COL27A1: variants seen among roughly 807,000 people sequenced by gnomAD.
COL27A1 encodes the protein collagen alpha-1(XXVII) chain.
COL27A1 carries 106 observed loss-of-function variants against 251.3 expected under a neutral mutation model. The observed-to-expected ratio is 0.42, with a 90% CI of 0.36 to 0.50. COL27A1 has a LOEUF of 0.50. Among genes scored for constraint, COL27A1 ranks in the 20% least tolerant of loss-of-function variants. The pLI, the probability that COL27A1 is intolerant of heterozygous loss-of-function variation, is 0.00. For missense variants in COL27A1, 2,325 were observed against 2,522.8 expected (o/e 0.92, Z 1.68); for synonymous variants, 1,000 against 986.3 (o/e 1.01, Z -0.26).
intron 1 of COL27A1, among the ~76,000 whole-genome samples, chr9:114,160,300 G>T (rs563190778): frequency 2.0e-5 from 3 of 151,882 alleles, no homozygotes; most frequent in Admixed American, 6.6e-5. Flanking sequence ...GACTACAGGC[G>T]CCCGCCACCA....
At chr9:114,196,144 G>C in intron 7 of COL27A1, 132 bp downstream of exon 7, 1 of 770,508 alleles carries the variant, frequency 1.3e-6, no homozygotes, top group Non-Finnish European at 2.3e-6. Flanking sequence ...AGGGTACATG[G>C]GTGAGAGGTG....
intron 23 of COL27A1, among the ~76,000 whole-genome samples, chr9:114,245,279 C>T (rs1237928272): frequency 6.6e-6 from 1 of 151,864 alleles, no homozygotes; most frequent in Non-Finnish European, 1.5e-5. Context: ...CCTCAGCCTC[C>T]CCAGTAGCTG....
chr9:114,246,280 A>G (rs1833126305), intron 24 of COL27A1, among the ~76,000 whole-genome samples: 1 of 152,236 alleles, frequency 6.6e-6, no homozygotes, highest in Non-Finnish European at 1.5e-5. Flanking sequence ...GCCAAAGGCC[A>G]GAGAAGTGTT....
intron 5 of COL27A1, among the ~76,000 whole-genome samples, chr9:114,186,938 G>T (rs1415461792): frequency 6.6e-6 from 1 of 152,196 alleles, no homozygotes; most frequent in African/African-American, 2.4e-5. Context: ...GGATAGGGAA[G>T]CTAGTGCTCC....
chr9:114,207,437 T>C (rs1331280235), intron 10 of COL27A1, among the ~76,000 whole-genome samples: 2 of 152,180 alleles, frequency 1.3e-5, no homozygotes, highest in Admixed American at 6.5e-5. Context: ...AGGGACCCCC[T>C]AAACCCAAGG....
chr9:114,231,877 T>C lies in COL27A1; in HGVS notation c.2565+11T>C. 1 of 1,613,312 alleles carries C rather than the reference T, an allele frequency of 6.2e-7. No homozygotes were observed. Among genetic ancestry groups the C allele is most frequent in the Non-Finnish European group, 8.5e-7 (1 of 1,179,242 alleles). On this transcript the variant is annotated intron_variant, in intron 16 of 60. Coordinates refer to ENST00000356083, the MANE Select transcript of COL27A1 (RefSeq NM_032888.4). Reference sequence around the variant, plus strand: ...CTGAAAGGTGATAAGGTGATCTGAATACTCCCTTATTGCACTGTGGTTTCT... The same window carrying C: ...CTGAAAGGTGATAAGGTGATCTGAACACTCCCTTATTGCACTGTGGTTTCT...
At position 114,301,695 on chromosome 9, in the gene COL27A1, C is replaced by T; in HGVS notation, c.4823C>T (p.Pro1608Leu). 6.2e-7 allele frequency: 1 copy of T among 1,611,728 alleles called. No individual in the cohort carries two copies. Among genetic ancestry groups the T allele is most frequent in the South Asian group, 1.1e-5 (1 of 90,840 alleles). ...TTGTTCCCCCAGGGTCCTCCCGGCC[C>T]CAGAGGGCGGCCCGGCCCCCCGGTA... ...GLQGPRGPPG[P>L]RGRPGPPGPP... The change falls in exon 55 of 61, where the codon CCC becomes CTC. Residue 1608 changes from proline (P) to leucine (L), a missense_variant. Pro to Leu is a moderately conservative substitution (Grantham distance 98, BLOSUM62 -3). Transcript: ENST00000356083.
upstream of COL27A1, among the ~76,000 whole-genome samples, chr9:114,154,250 C>A (rs1003167979): frequency 1.3e-5 from 2 of 152,030 alleles, no homozygotes; most frequent in Admixed American, 1.3e-4. The surrounding 1 kb of genome is among the most constrained non-coding windows in gnomAD (Gnocchi z 5.8). Context: ...GCCCGCGCCC[C>A]GTTTAGGGAA....
At chr9:114,233,283 A>G (rs1226329524) in intron 16 of COL27A1, among the ~76,000 whole-genome samples, 1 of 152,164 alleles carries the variant, frequency 6.6e-6, no homozygotes. Context: ...GAACATTAGA[A>G]TTGCTGGGTG....
chr9:114,190,409 T>C (rs1483218367), intron 5 of COL27A1, among the ~76,000 whole-genome samples: 2 of 152,174 alleles, frequency 1.3e-5, no homozygotes, highest in Non-Finnish European at 2.9e-5. Context: ...TAGCTGGGAC[T>C]ACAGGTGTGC....
At position 114,186,305 on chromosome 9, in the gene COL27A1, C is replaced by T. The variant is rs141264837; in HGVS notation, c.2016+3230C>T. Among the ~76,000 whole-genome samples the T allele has an allele frequency of 3.2e-4, 49 of 152,356 alleles. 1 individual carries two copies. The highest frequency in any genetic ancestry group is 8.7e-4 in the African/African-American group (36 of 41,588). On this transcript the variant is annotated intron_variant, in intron 5 of 60. Coordinates refer to ENST00000356083, the MANE Select transcript of COL27A1 (RefSeq NM_032888.4). ...CTAGGACCCTGAGAGGATGTGTTTC[C>T]GCTTAGAGCGGTGCTGACCCGTGGC...
At chr9:114,301,640 C>T (rs772937939) in intron 54 of COL27A1, 42 bp from the exon 55 acceptor site, 3 of 1,578,440 alleles carry the variant, frequency 1.9e-6, no homozygotes, top group South Asian at 1.2e-5. Flanking sequence ...GAGATGAAGA[C>T]CCTGTGGACC....
At chr9:114,293,637 A>AC (rs1828069350) in intron 49 of COL27A1, among the ~76,000 whole-genome samples, 1 of 152,186 alleles carries the variant, frequency 6.6e-6, no homozygotes, top group African/African-American at 2.4e-5. Flanking sequence ...GGAAACAACA[A>AC]AAACAACAAA....
At chr9:114,222,538 T>C (rs1241607528) in intron 14 of COL27A1, among the ~76,000 whole-genome samples, 1 of 152,120 alleles carries the variant, frequency 6.6e-6, no homozygotes, top group Non-Finnish European at 1.5e-5. Context: ...GTTTCCTTAT[T>C]AGTTAAATGA....
chr9:114,183,314 A>AG lies in COL27A1; in HGVS notation c.2016+243dup, dbSNP rs201278425. ...CGGGCAGTTGGAACCCAGAGCCTTCAGGGGAGTGGGCAGAGAGGTGATTTC... is the reference window on the plus strand; with the variant it reads ...CGGGCAGTTGGAACCCAGAGCCTTCAGGGGGAGTGGGCAGAGAGGTGATTTC... On this transcript the variant is annotated intron_variant, in intron 5 of 60. Transcript: ENST00000356083. 6.2e-3 allele frequency among the ~76,000 whole-genome samples: 951 copies of AG among 152,316 alleles called. 3 individuals are homozygous for AG. Among genetic ancestry groups the AG allele is most frequent in the Non-Finnish European group, 9.3e-3 (632 of 68,012 alleles).
rs1835985231 is a variant in COL27A1, at chr9:114,282,537, A to C, written c.3852A>C (p.Lys1284Asn). 1.3e-5 allele frequency: 20 copies of C among 1,546,526 alleles called. No homozygotes were observed. The highest frequency in any genetic ancestry group is 1.7e-5 in the Non-Finnish European group (20 of 1,149,666). ...DPGPPGTPGP[K>N]GSRGSLGPTG... ...GACCCCCTGGCACTCCAGGCCCTAA[A>C]GGGTCCCGGGGCAGCCTGGGACCAA... The change falls in exon 39 of 61, where the codon AAA becomes AAC. Residue 1284 changes from lysine (K) to asparagine (N), a missense_variant. Transcript: ENST00000356083.
intron 28 of COL27A1, among the ~76,000 whole-genome samples, chr9:114,259,125 T>C (rs1192074747): frequency 1.3e-5 from 2 of 152,186 alleles, no homozygotes; most frequent in Non-Finnish European, 2.9e-5. Flanking sequence ...GTGCTTGAGT[T>C]GATGCCAGCT....
intron 1 of COL27A1, among the ~76,000 whole-genome samples, chr9:114,160,858 C>G (rs1472182439): frequency 6.6e-6 from 1 of 152,164 alleles, no homozygotes; most frequent in Non-Finnish European, 1.5e-5. Context: ...TGTGTAGGAA[C>G]TGACCAGGCA....
Position 114,180,444 on chromosome 9 carries a change from C to A in COL27A1, c.1962+2100C>A, listed in dbSNP as rs1017888472. 1.9e-4 allele frequency among the ~76,000 whole-genome samples: 29 copies of A among 152,208 alleles called. 1 individual carries two copies. Among genetic ancestry groups the A allele is most frequent in the Non-Finnish European group, 2.9e-5 (2 of 68,044 alleles). Reference sequence around the variant, plus strand: ...TTTCCACCTAGCTCTGGGTGAATGACTCTCCTGACACGCTTCTAGGCTCTT... The same window carrying A: ...TTTCCACCTAGCTCTGGGTGAATGAATCTCCTGACACGCTTCTAGGCTCTT... On this transcript the variant is annotated intron_variant, in intron 4 of 60. Coordinates refer to ENST00000356083, the MANE Select transcript of COL27A1 (RefSeq NM_032888.4).
Sources: gnomAD v4.1 joint callset for allele counts (sites outside exome capture counted in the v4.1 genomes callset) on GRCh38, gnomAD v4.1.1 for gene constraint, Gnocchi (gnomAD v3.1) non-coding constraint, MANE v1.5 for transcripts, NCBI Gene and HGNC (gene_info 2026-07-23, HGNC 2026-07-21) for gene names.